The following SUGCT variants were observed in gnomAD, a reference collection of about 807,000 sequenced individuals.
The protein encoded by SUGCT is succinyl-CoA:glutarate CoA-transferase.
In SUGCT, 41 loss-of-function variants were observed where a neutral mutation model predicts 55.0. The observed-to-expected ratio is 0.74, with a 90% confidence interval of 0.58 to 0.97. The LOEUF (loss-of-function observed/expected upper bound fraction) is 0.97. Ranked by LOEUF, SUGCT falls within the 50% of genes least tolerant of loss-of-function variation. SUGCT has a pLI of 0.00. For missense variants in SUGCT, 568 were observed against 547.8 expected (o/e 1.04, Z -0.37); for synonymous variants, 187 against 200.4 (o/e 0.93, Z 0.56).
At chr7:41,032,829 C>A in the SUGCT span, among the ~76,000 whole-genome samples, 1 of 152,126 alleles carries the variant, frequency 6.6e-6, no homozygotes, top group African/African-American at 2.4e-5. Flanking sequence ...AGTGGTGAGA[C>A]CTTGGCTCAC....
intron 8 of SUGCT, among the ~76,000 whole-genome samples, chr7:40,290,982 C>T (rs889239592): frequency 5.3e-5 from 8 of 152,070 alleles, no homozygotes; most frequent in African/African-American, 1.7e-4. Context: ...GTTAGAATGG[C>T]GATCATTAAA....
chr7:40,866,429 A>G, the SUGCT span, among the ~76,000 whole-genome samples: 1 of 151,550 alleles, frequency 6.6e-6, no homozygotes, highest in Non-Finnish European at 1.5e-5. Flanking sequence ...TATAGCTTCC[A>G]TTTTGGGAGG....
intron 12 of SUGCT, among the ~76,000 whole-genome samples, chr7:40,672,363 A>C (rs960687134): frequency 2.6e-5 from 4 of 152,226 alleles, no homozygotes; most frequent in African/African-American, 9.6e-5. Flanking sequence ...ATGAAAAGAC[A>C]AGTTACAGAA....
intron 11 of SUGCT, among the ~76,000 whole-genome samples, chr7:40,485,896 T>A (rs1791316252): frequency 6.6e-6 from 1 of 152,204 alleles, no homozygotes; most frequent in African/African-American, 2.4e-5. Context: ...CGTTTTAATA[T>A]GCTGTTGAAC....
chr7:40,285,653 C>A (rs1275926591), intron 8 of SUGCT, among the ~76,000 whole-genome samples: 1 of 152,020 alleles, frequency 6.6e-6, no homozygotes, highest in African/African-American at 2.4e-5. Flanking sequence ...ATCATTGTAG[C>A]TAAATGATAA....
chr7:40,509,461 G>A (rs1035406559), intron 12 of SUGCT, among the ~76,000 whole-genome samples: 2 of 152,130 alleles, frequency 1.3e-5, no homozygotes, highest in Non-Finnish European at 2.9e-5. Flanking sequence ...CTTTCTTAGG[G>A]TTTTGTCTTT....
At chr7:40,483,139 C>G (rs2151491737) in intron 11 of SUGCT, among the ~76,000 whole-genome samples, 1 of 152,248 alleles carries the variant, frequency 6.6e-6, no homozygotes, top group Middle Eastern at 3.4e-3. Context: ...AGCTGTTTCT[C>G]TGTGGGTTAC....
chr7:40,531,407 A>G (rs1050737622), intron 12 of SUGCT, among the ~76,000 whole-genome samples: 18 of 151,962 alleles, frequency 1.2e-4, no homozygotes, highest in Admixed American at 2.6e-4. Context: ...ATTATCACAG[A>G]GGAGTTATTG....
intron 11 of SUGCT, among the ~76,000 whole-genome samples, chr7:40,473,610 T>C (rs891988865): frequency 1.3e-5 from 2 of 151,986 alleles, no homozygotes; most frequent in African/African-American, 4.8e-5. Flanking sequence ...AGAGTGTGGC[T>C]GTGATCCACA....
intron 1 of SUGCT, among the ~76,000 whole-genome samples, chr7:40,172,876 C>A (rs1254006327): frequency 6.6e-6 from 1 of 152,278 alleles, no homozygotes; most frequent in Middle Eastern, 3.4e-3. Flanking sequence ...CCATGCTAAT[C>A]GTTTTTAACT....
At chr7:40,770,645 G>A (rs903613969) in intron 13 of SUGCT, among the ~76,000 whole-genome samples, 3 of 152,118 alleles carry the variant, frequency 2.0e-5, no homozygotes, top group African/African-American at 4.8e-5. Flanking sequence ...TTTTATCCTG[G>A]TGATGAAGAG....
intron 6 of SUGCT, among the ~76,000 whole-genome samples, chr7:40,199,027 G>T (rs1044196195): frequency 2.0e-5 from 3 of 148,768 alleles, no homozygotes; most frequent in Non-Finnish European, 4.4e-5. Context: ...TTGGTAATCA[G>T]TGTGTCTGTG....
intron 8 of SUGCT, among the ~76,000 whole-genome samples, chr7:40,294,323 G>C (rs1392977037): frequency 6.6e-6 from 1 of 152,150 alleles, no homozygotes; most frequent in Non-Finnish European, 1.5e-5. Flanking sequence ...TATGGACTAA[G>C]TGAATAACAG....
chr7:40,353,350 C>G (rs963091423), intron 9 of SUGCT, among the ~76,000 whole-genome samples: 1 of 152,146 alleles, frequency 6.6e-6, no homozygotes, highest in African/African-American at 2.4e-5. Context: ...ACTGTAGAAT[C>G]TTAGGTCCCA....
the SUGCT span, among the ~76,000 whole-genome samples, chr7:40,888,140 A>T: frequency 6.6e-6 from 1 of 152,308 alleles, no homozygotes; most frequent in Non-Finnish European, 1.5e-5. Flanking sequence ...GTCAGAGAAT[A>T]AAGTGGCTAC....
intron 12 of SUGCT, among the ~76,000 whole-genome samples, chr7:40,677,479 T>C (rs1784056652): frequency 6.6e-6 from 1 of 152,246 alleles, no homozygotes; most frequent in African/African-American, 2.4e-5. Flanking sequence ...CCCTCATGCA[T>C]GTCACATCCC....
chr7:40,360,565 G>A (rs1282911604), intron 9 of SUGCT, among the ~76,000 whole-genome samples: 8 of 152,188 alleles, frequency 5.3e-5, no homozygotes, highest in Non-Finnish European at 1.2e-4. Flanking sequence ...GATGGATGCA[G>A]TAACAGAGTA....
intron 6 of SUGCT, among the ~76,000 whole-genome samples, chr7:40,236,863 T>C (rs143295238): frequency 7.2e-5 from 11 of 152,164 alleles, no homozygotes; most frequent in Middle Eastern, 3.4e-3. Flanking sequence ...AAAGGGAGTC[T>C]CCCTGCATTG....
At chr7:40,550,792 G>A (rs1337278014) in intron 12 of SUGCT, among the ~76,000 whole-genome samples, 1 of 152,074 alleles carries the variant, frequency 6.6e-6, no homozygotes, top group Admixed American at 6.5e-5. Context: ...CTCTCATTGT[G>A]TCTTTTGAGG....
Sources: allele counts gnomAD v4.1 joint callset (sites outside exome capture counted in the v4.1 genomes callset), GRCh38; gene constraint gnomAD v4.1.1; transcripts MANE v1.5; gene names NCBI Gene and HGNC (gene_info 2026-07-23, HGNC 2026-07-21).